The following SLIT2 variants were observed in gnomAD, a reference collection of about 807,000 sequenced individuals.
SLIT2 encodes the protein slit homolog 2 protein.
SLIT2 carries 41 observed loss-of-function variants against 185.7 expected under a neutral mutation model. That is an observed-to-expected ratio of 0.22 (90% CI 0.17 to 0.29). The LOEUF (loss-of-function observed/expected upper bound fraction) is 0.29, where lower values mean the gene tolerates loss of function less well. Ranked by LOEUF, SLIT2 falls within the 10% of genes least tolerant of loss-of-function variation. The probability of loss-of-function intolerance (pLI) is 1.00; values close to 1 mark genes in which losing one functional copy is unlikely to be tolerated. For synonymous variants in SLIT2, 693 were observed against 680.2 expected (o/e 1.02, Z -0.29); for missense variants, 1,571 against 1,909.0 (o/e 0.82, Z 3.30).
In SLIT2 at chr4:20,542,480, C is replaced by T. The variant is rs754500896; in HGVS notation, c.2144-14C>T. The T allele has an allele frequency of 5.6e-6, 9 of 1,612,504 alleles. No homozygotes were observed. Among genetic ancestry groups the T allele is most frequent in the South Asian group, 2.2e-5 (2 of 90,722 alleles). On this transcript the variant is annotated splice_polypyrimidine_tract_variant and intron_variant, in intron 20 of 36. Coordinates refer to ENST00000504154, the MANE Select transcript of SLIT2 (RefSeq NM_004787.4). ...CACAAATCTTGGTTTTCCTGTATTTCCTCTGCGATTTAGGAAATGATGACA... is the reference window on the plus strand; with the variant it reads ...CACAAATCTTGGTTTTCCTGTATTTTCTCTGCGATTTAGGAAATGATGACA...
chr4:20,253,796 G>A lies in SLIT2; in HGVS notation c.-20G>A, dbSNP rs1310443181. The stretch of plus-strand genomic sequence containing the variant: ...AAAGAAAGCCCCCAGTGCCGGCGAG[G>A]AAGGAGGCGGCGGGGAAAGATGCGC... On this transcript the variant is annotated 5_prime_UTR_variant, in exon 1 of 37. Coordinates refer to ENST00000504154, the MANE Select transcript of SLIT2 (RefSeq NM_004787.4). 2 of 1,596,770 alleles carry A rather than the reference G, an allele frequency of 1.3e-6. No homozygotes were observed. The highest frequency in any genetic ancestry group is 2.2e-5 in the South Asian group (2 of 90,912).
chr4:20,433,515 C>T (rs997934177), intron 4 of SLIT2, among the ~76,000 whole-genome samples: 13 of 152,136 alleles, frequency 8.5e-5, no homozygotes, highest in African/African-American at 2.9e-4. Context: ...ATTGCATATT[C>T]TTTTCATGTC....
Position 20,472,555 on chromosome 4 carries a change from GAT to G in SLIT2, c.467+4739_467+4740del, listed in dbSNP as rs369391653. On this transcript the variant is annotated intron_variant, in intron 5 of 36. Transcript: ENST00000504154. ...ATAGATATATCTATATCTATATATAGATATATATCTATATATAGATATATCTA... is the reference window on the plus strand; with the variant it reads ...ATAGATATATCTATATCTATATATAGATATATCTATATATAGATATATCTA... Among the ~76,000 whole-genome samples the G allele has an allele frequency of 8.0e-3, 48 of 6,032 alleles. 15 individuals are homozygous for G. The highest frequency in any genetic ancestry group is 0.014 in the African/African-American group (14 of 986). The allele number at this position is 6,032 out of a possible 152,430, so 4.0% of individuals were successfully genotyped here.
intron 14 of SLIT2, among the ~76,000 whole-genome samples, chr4:20,524,588 T>C (rs547182961): frequency 9.2e-5 from 14 of 152,326 alleles, no homozygotes; most frequent in African/African-American, 2.6e-4. Context: ...TTACATGATT[T>C]GTTTGGGCTC....
At chr4:20,464,498 G>A (rs922490453) in intron 4 of SLIT2, among the ~76,000 whole-genome samples, 14 of 152,122 alleles carry the variant, frequency 9.2e-5, no homozygotes, top group Admixed American at 7.2e-4. Context: ...TATAATTACA[G>A]ACTCCTCCCT....
intron 4 of SLIT2, among the ~76,000 whole-genome samples, chr4:20,324,696 C>A (rs1719407342): frequency 6.6e-6 from 1 of 152,220 alleles, no homozygotes; most frequent in East Asian, 1.9e-4. Flanking sequence ...CTAAATTTAA[C>A]CATTCCATAA....
At chr4:20,581,947 A>G (rs1305779861) in intron 29 of SLIT2, among the ~76,000 whole-genome samples, 1 of 152,174 alleles carries the variant, frequency 6.6e-6, no homozygotes, top group Non-Finnish European at 1.5e-5. Flanking sequence ...GGGTTTCACC[A>G]TCTTGGCCAG....
At chr4:20,508,554 A>G (rs1016127415) in intron 9 of SLIT2, among the ~76,000 whole-genome samples, 1 of 152,092 alleles carries the variant, frequency 6.6e-6, no homozygotes, top group African/African-American at 2.4e-5. Context: ...AATACACCCA[A>G]TTCTATTTGT....
At chr4:20,310,194 A>G (rs1047216696) in intron 4 of SLIT2, among the ~76,000 whole-genome samples, 1 of 152,148 alleles carries the variant, frequency 6.6e-6, no homozygotes, top group Non-Finnish European at 1.5e-5. Flanking sequence ...TTCTCATTGT[A>G]CACATGCTTT....
chr4:20,595,478 A>ATC (rs1727900484), intron 30 of SLIT2, among the ~76,000 whole-genome samples: 2 of 151,424 alleles, frequency 1.3e-5, no homozygotes, highest in African/African-American at 4.9e-5. Context: ...GTTCACTATC[A>ATC]AGGAGATAAA....
chr4:20,519,555 A>G (rs978629837), intron 12 of SLIT2, 102 bp downstream of exon 12: 5 of 690,560 alleles, frequency 7.2e-6, no homozygotes, highest in African/African-American at 5.4e-5. Context: ...TTGACTCAAA[A>G]TGATACAGTT....
chr4:20,401,902 G>A (rs979204886), intron 4 of SLIT2, among the ~76,000 whole-genome samples: 24 of 151,696 alleles, frequency 1.6e-4, no homozygotes, highest in African/African-American at 4.4e-4. Context: ...ATCAGAGAGC[G>A]TTTTATGGCA....
chr4:20,417,886 T>C (rs1009180414), intron 4 of SLIT2, among the ~76,000 whole-genome samples: 1 of 152,184 alleles, frequency 6.6e-6, no homozygotes, highest in Non-Finnish European at 1.5e-5. Flanking sequence ...TCACTTCTTC[T>C]TGTGGCCCTT....
In SLIT2 at chr4:20,533,690, A is replaced by C. The variant is rs746300755; in HGVS notation, c.1807A>C (p.Lys603Gln). ...RLENVQHKMF[K>Q]GLESLKTLML... ...GGAAAATGTGCAGCATAAGATGTTC[A>C]AGGGATTGGAAAGCCTCAAAACTTT... The change falls in exon 18 of 37, where the codon AAG (lysine) becomes CAG (glutamine). Residue 603 changes from lysine to glutamine, a missense_variant. By Grantham distance (53) the Lys-to-Gln change is moderately conservative (BLOSUM62 1). Coordinates refer to ENST00000504154, the MANE Select transcript of SLIT2 (RefSeq NM_004787.4). 1 of 1,612,484 alleles carries C rather than the reference A, an allele frequency of 6.2e-7. No homozygotes were observed. The highest frequency in any genetic ancestry group is 1.1e-5 in the South Asian group (1 of 90,426).
intron 4 of SLIT2, among the ~76,000 whole-genome samples, chr4:20,405,896 C>A (rs1175697824): frequency 2.0e-5 from 3 of 151,900 alleles, no homozygotes; most frequent in Admixed American, 1.3e-4. Flanking sequence ...TAAAATATGA[C>A]AGCAACAATA....
intron 4 of SLIT2, among the ~76,000 whole-genome samples, chr4:20,430,764 C>G (rs1350813009): frequency 6.6e-6 from 1 of 152,226 alleles, no homozygotes; most frequent in Non-Finnish European, 1.5e-5. Context: ...TTACAGTTTA[C>G]TGCTAACAAT....
chr4:20,556,747 C>A (rs997901648), intron 26 of SLIT2, among the ~76,000 whole-genome samples: 4 of 124,992 alleles, frequency 3.2e-5, no homozygotes, highest in African/African-American at 6.5e-5. Context: ...ACAACAACAA[C>A]AAAAATGTAG....
chr4:20,320,942 T>C (rs1719025897), intron 4 of SLIT2, among the ~76,000 whole-genome samples: 1 of 152,102 alleles, frequency 6.6e-6, no homozygotes, highest in African/African-American at 2.4e-5. Context: ...GGCAAGCAGA[T>C]CACTTGAGGC....
At position 20,390,779 on chromosome 4, in the gene SLIT2, A is replaced by AAAT. The variant is rs1553892679; in HGVS notation, c.396-76972_396-76971insATA. ...ATCTTATTTTTTTTTTTTAAAAAAAAATATATATATACTAAGACAATTAGA... is the reference window on the plus strand; with the variant it reads ...ATCTTATTTTTTTTTTTTAAAAAAAAAATATATATATATACTAAGACAATTAGA... On this transcript the variant is annotated intron_variant, in intron 4 of 36. Transcript: ENST00000504154. Among the ~76,000 whole-genome samples the AAAT allele has an allele frequency of 4.7e-3, 668 of 142,656 alleles. 2 individuals are homozygous for AAAT. The highest frequency in any genetic ancestry group is 7.4e-3 in the Admixed American group (104 of 14,012). 93.6% of individuals were successfully genotyped at this position (142,656 alleles called of 152,430 possible). A position where few individuals can be genotyped will look rare whatever the true frequency, so the allele number is the denominator to read the frequency against.
Sources: gnomAD v4.1 joint callset for allele counts (sites outside exome capture counted in the v4.1 genomes callset) on GRCh38, gnomAD v4.1.1 for gene constraint, MANE v1.5 for transcripts, NCBI Gene and HGNC (gene_info 2026-07-23, HGNC 2026-07-21) for gene names.